Variants in SNX8 observed in about 807,000 individuals in gnomAD.
SNX8 encodes sorting nexin 8.
A neutral mutation model predicts 51.6 loss-of-function variants in SNX8; 25 were observed. The ratio of observed to expected loss-of-function variants is 0.48; its 90% CI spans 0.35 to 0.68. SNX8 has a LOEUF of 0.68. Among genes scored for constraint, SNX8 ranks in the 30% least tolerant of loss-of-function variants. SNX8 has a pLI of 0.00. For missense variants in SNX8, 695 were observed against 624.0 expected, an observed-to-expected ratio of 1.11 and a Z score of -1.21; for synonymous variants, 324 against 277.0, an observed-to-expected ratio of 1.17 and a Z score of -1.68.
intron 1 of SNX8, among the ~76,000 whole-genome samples, chr7:2,343,744 T>C (rs1435272940): frequency 6.6e-6 from 1 of 151,796 alleles, no homozygotes; most frequent in Admixed American, 6.6e-5. Context: ...ATGAGCCAAA[T>C]GCAGTGGCTC....
At position 2,314,409 on chromosome 7, in the gene SNX8, C is replaced by T; in HGVS notation, c.13G>A (p.Ala5Thr). The T allele has an allele frequency of 8.2e-7, 1 of 1,217,832 alleles. No homozygotes were observed. 75.4% of individuals were successfully genotyped at this position (1,217,832 alleles called of 1,614,324 possible). ...GCAGCCGCGGGCAGCGGGTCCATCG[C>T]GCGGCCAGTCATGTGAGCCCGCGCT... MTGR[A>T]MDPLPAAAVG... Residue 5 changes from alanine to threonine, a missense_variant, in exon 1 of 11, where the codon GCG becomes ACG. Ala to Thr is a moderately conservative substitution (Grantham distance 58, BLOSUM62 0). Coordinates refer to ENST00000222990, the MANE Select transcript of SNX8 (RefSeq NM_013321.4).
At chr7:2,346,503 T>A (rs544939335) in intron 1 of SNX8, among the ~76,000 whole-genome samples, 3 of 149,554 alleles carry the variant, frequency 2.0e-5, no homozygotes, top group African/African-American at 7.4e-5. Flanking sequence ...ATCCCAGCAC[T>A]TTGGGAGGCC....
At chr7:2,298,507 T>A (rs1039392684) in intron 1 of SNX8, among the ~76,000 whole-genome samples, 5 of 151,476 alleles carry the variant, frequency 3.3e-5, no homozygotes, top group Admixed American at 3.3e-4. Flanking sequence ...GTAGCTGGGA[T>A]TACAGGCATG....
At chr7:2,334,396 C>G (rs1406937236) in intron 1 of SNX8, among the ~76,000 whole-genome samples, 1 of 150,854 alleles carries the variant, frequency 6.6e-6, no homozygotes, top group Admixed American at 6.6e-5. Context: ...GAGCGAGACT[C>G]CATCTCAAAA....
At chr7:2,325,877 C>G (rs1778615035) in intron 1 of SNX8, among the ~76,000 whole-genome samples, 1 of 151,934 alleles carries the variant, frequency 6.6e-6, no homozygotes, top group Non-Finnish European at 1.5e-5. Flanking sequence ...AAGAAGGTAA[C>G]AGGAATGTGT....
upstream of SNX8, among the ~76,000 whole-genome samples, chr7:2,317,657 C>A (rs1003870537): frequency 6.6e-6 from 1 of 152,006 alleles, no homozygotes; most frequent in Admixed American, 6.6e-5. Flanking sequence ...CATGTCAGTT[C>A]CTAGGAAGCG....
At chr7:2,319,627 AAC>A (rs1190698498) in intron 1 of SNX8, among the ~76,000 whole-genome samples, 2 of 152,132 alleles carry the variant, frequency 1.3e-5, no homozygotes, top group African/African-American at 4.8e-5. Context: ...CATCCTGGCT[AAC>A]ACGGTGAAAC....
chr7:2,318,154 TC>T (rs577147084), upstream of SNX8, among the ~76,000 whole-genome samples: 83 of 152,226 alleles, frequency 5.5e-4, 1 homozygote, highest in Admixed American at 1.2e-3. Context: ...CAATCAGTCC[TC>T]CCACCTCAGC....
At chr7:2,346,518 T>C (rs908821864) in intron 1 of SNX8, among the ~76,000 whole-genome samples, 143 of 149,314 alleles carry the variant, frequency 9.6e-4, no homozygotes, top group African/African-American at 3.0e-3. Context: ...GAGGCCGAGG[T>C]GGGAGGATCA....
intron 9 of SNX8, 133 bp from the exon 10 acceptor site, chr7:2,257,156 C>T: frequency 3.2e-6 from 4 of 1,253,456 alleles, no homozygotes; most frequent in African/African-American, 1.5e-5. Context: ...TGGAAGGTGG[C>T]GAGGTAAGAG....
chr7:2,346,552 C>G (rs1249363038), intron 1 of SNX8, among the ~76,000 whole-genome samples: 1 of 151,236 alleles, frequency 6.6e-6, no homozygotes, highest in South Asian at 2.1e-4. Flanking sequence ...TCGAGACCAT[C>G]CTGGCTAACA....
chr7:2,257,686 G>T, intron 8 of SNX8, 49 bp downstream of exon 8: 1 of 1,596,684 alleles, frequency 6.3e-7, no homozygotes. Flanking sequence ...AGGATCCTAA[G>T]ATCATTCCTG....
chr7:2,283,668 G>C (rs1209781848), intron 1 of SNX8, among the ~76,000 whole-genome samples: 2 of 152,226 alleles, frequency 1.3e-5, no homozygotes, highest in Non-Finnish European at 2.9e-5. Flanking sequence ...GGATGGCACA[G>C]CGTCCCAGGG....
chr7:2,311,438 G>C (rs936652350), intron 1 of SNX8, among the ~76,000 whole-genome samples: 1 of 152,024 alleles, frequency 6.6e-6, no homozygotes, highest in Admixed American at 6.6e-5. Flanking sequence ...GTCCAGGCTG[G>C]TCTCTAGCGC....
chr7:2,340,055 G>A (rs1006690217), intron 1 of SNX8, among the ~76,000 whole-genome samples: 5 of 151,272 alleles, frequency 3.3e-5, no homozygotes, highest in Non-Finnish European at 7.4e-5. Context: ...TGAAAAGCTA[G>A]GCTACAAAAC....
At chr7:2,268,566 G>C (rs1335604152) in intron 5 of SNX8, among the ~76,000 whole-genome samples, 4 of 140,622 alleles carry the variant, frequency 2.8e-5, no homozygotes, top group South Asian at 2.3e-4. Flanking sequence ...TCAGCCCCCC[G>C]CCTGGCCAGC....
At chr7:2,332,727 G>A (rs996202438) in intron 1 of SNX8, among the ~76,000 whole-genome samples, 1 of 137,726 alleles carries the variant, frequency 7.3e-6, no homozygotes, top group Non-Finnish European at 1.6e-5. Flanking sequence ...TCCAGTGAGA[G>A]AGAGAGAGAG....
intron 2 of SNX8, among the ~76,000 whole-genome samples, chr7:2,276,278 C>T (rs1023335105): frequency 3.3e-5 from 5 of 152,220 alleles, no homozygotes; most frequent in Non-Finnish European, 5.9e-5. Flanking sequence ...CTCTGCTCCC[C>T]CGTGGCATCC....
intron 1 of SNX8, among the ~76,000 whole-genome samples, chr7:2,345,547 A>G (rs1779005541): frequency 6.6e-6 from 1 of 151,870 alleles, no homozygotes; most frequent in Non-Finnish European, 1.5e-5. Flanking sequence ...GCCTGCTGGC[A>G]GGCACCTGTA....
Sources: allele counts gnomAD v4.1 joint callset (sites outside exome capture counted in the v4.1 genomes callset), GRCh38; gene constraint gnomAD v4.1.1; transcripts MANE v1.5; gene names NCBI Gene and HGNC (gene_info 2026-07-23, HGNC 2026-07-21).